The following CDC14B variants were observed in gnomAD, a reference collection of about 807,000 sequenced individuals.
The protein encoded by CDC14B is dual specificity protein phosphatase CDC14B.
Under a neutral mutation model 64.2 loss-of-function variants are expected in CDC14B, and 22 were observed. The observed-to-expected ratio is 0.34, with a 90% confidence interval of 0.24 to 0.49. The LOEUF is 0.49. Ranked by LOEUF, CDC14B falls within the 20% of genes least tolerant of loss-of-function variation. CDC14B has a pLI of 0.99. For synonymous variants in CDC14B, 191 were observed against 215.8 expected, an observed-to-expected ratio of 0.89 and a Z score of 1.01; for missense variants, 498 against 629.9, an observed-to-expected ratio of 0.79 and a Z score of 2.24.
intron 12 of CDC14B, among the ~76,000 whole-genome samples, chr9:96,520,090 G>A (rs921407568): frequency 2.0e-5 from 3 of 152,176 alleles, no homozygotes; most frequent in Non-Finnish European, 4.4e-5. Flanking sequence ...AGCAGAGAGG[G>A]TTTGAAAAAG....
At chr9:96,541,417 C>T (rs1432131574) in intron 6 of CDC14B, among the ~76,000 whole-genome samples, 1 of 152,228 alleles carries the variant, frequency 6.6e-6, no homozygotes, top group African/African-American at 2.4e-5. Context: ...AAGTGTTTGA[C>T]AGTGACTGTG....
At chr9:96,585,835 C>T (rs2118474569) in intron 1 of CDC14B, among the ~76,000 whole-genome samples, 1 of 152,216 alleles carries the variant, frequency 6.6e-6, no homozygotes, top group South Asian at 2.1e-4. Context: ...TTTATAAAAG[C>T]TAAAAACTGA....
intron 1 of CDC14B, among the ~76,000 whole-genome samples, chr9:96,598,691 T>C (rs962657431): frequency 5.3e-5 from 8 of 152,186 alleles, no homozygotes; most frequent in African/African-American, 1.9e-4. Context: ...GGACTGTAAA[T>C]TGGTAAAGCT....
At chr9:96,602,013 C>T (rs1005261570) in intron 1 of CDC14B, among the ~76,000 whole-genome samples, 3 of 151,646 alleles carry the variant, frequency 2.0e-5, no homozygotes, top group South Asian at 2.1e-4. Flanking sequence ...GAGCCAGGAT[C>T]GCGCCACTGC....
chr9:96,521,282 T>C (rs1238924306), intron 12 of CDC14B, among the ~76,000 whole-genome samples: 5 of 152,182 alleles, frequency 3.3e-5, no homozygotes, highest in African/African-American at 7.2e-5. Context: ...TTTCACCATA[T>C]TGGCCAGGCT....
chr9:96,615,384 G>T (rs1264455319), intron 1 of CDC14B, among the ~76,000 whole-genome samples: 2 of 152,038 alleles, frequency 1.3e-5, no homozygotes, highest in Non-Finnish European at 2.9e-5. Context: ...ATGATGACAG[G>T]AACAAAAATA....
intron 5 of CDC14B, among the ~76,000 whole-genome samples, chr9:96,544,728 C>A (rs1350132681): frequency 6.6e-6 from 1 of 152,134 alleles, no homozygotes. Flanking sequence ...AACTCCTGAG[C>A]TCAAGCACTC....
chr9:96,618,589 G>C (rs890939659), intron 1 of CDC14B: 2 of 532,976 alleles, frequency 3.8e-6, no homozygotes, highest in African/African-American at 3.8e-5. Flanking sequence ...CTTCCTTCTC[G>C]AGGCCCCGGC....
At chr9:96,513,400 C>T (rs888697067) in intron 12 of CDC14B, among the ~76,000 whole-genome samples, 3 of 152,182 alleles carry the variant, frequency 2.0e-5, no homozygotes, top group Non-Finnish European at 4.4e-5. Context: ...ACAGGGAACC[C>T]GGGCACTCGC....
At chr9:96,591,161 T>G (rs1194030864) in intron 1 of CDC14B, among the ~76,000 whole-genome samples, 1 of 152,220 alleles carries the variant, frequency 6.6e-6, no homozygotes, top group African/African-American at 2.4e-5. Flanking sequence ...TGGTATCATA[T>G]CCAATAAATT....
intron 1 of CDC14B, among the ~76,000 whole-genome samples, chr9:96,581,553 C>T (rs1588027563): frequency 7.2e-6 from 1 of 139,168 alleles, no homozygotes; most frequent in African/African-American, 3.3e-5. Flanking sequence ...CAGAAAAATG[C>T]CCCTCCCAAA....
intron 1 of CDC14B, among the ~76,000 whole-genome samples, chr9:96,606,943 G>T (rs1300268541): frequency 6.6e-6 from 1 of 151,894 alleles, no homozygotes; most frequent in Non-Finnish European, 1.5e-5. Flanking sequence ...AGCTGAGGTG[G>T]GAGGATCACG....
intron 4 of CDC14B, among the ~76,000 whole-genome samples, chr9:96,558,327 A>G (rs1564333000): frequency 1.3e-5 from 2 of 152,360 alleles, no homozygotes; most frequent in East Asian, 3.9e-4. Flanking sequence ...AAGAAATGAC[A>G]AATGTTTGAG....
At chr9:96,612,876 G>T (rs1046781754) in intron 1 of CDC14B, among the ~76,000 whole-genome samples, 3 of 152,178 alleles carry the variant, frequency 2.0e-5, no homozygotes, top group African/African-American at 7.2e-5. Context: ...AAAATATCCG[G>T]AAAACTGGGG....
downstream of CDC14B, among the ~76,000 whole-genome samples, chr9:96,495,860 T>G (rs1413983577): frequency 1.3e-5 from 2 of 152,166 alleles, no homozygotes; most frequent in Non-Finnish European, 2.9e-5. Context: ...CATCACTGCA[T>G]ATCTCCGGGG....
Position 96,502,411 on chromosome 9 carries a change from G to C in CDC14B, c.*1342C>G, listed in dbSNP as rs1414602853. 1 of 156,040 alleles carries C rather than the reference G, an allele frequency of 6.4e-6. No homozygotes were observed. The highest frequency in any genetic ancestry group is 1.4e-5 in the Non-Finnish European group (1 of 70,798). The allele number at this position is 156,040 out of a possible 1,614,324, so 9.7% of individuals were successfully genotyped here. On this transcript the variant is annotated 3_prime_UTR_variant, in exon 14 of 14. Transcript: ENST00000375241. ...GTGAAAAAGGCAGCTTCTTAAAATGGAGTTGCCTACTAATCTGGCGCACGC... is the reference window on the plus strand; with the variant it reads ...GTGAAAAAGGCAGCTTCTTAAAATGCAGTTGCCTACTAATCTGGCGCACGC...
At chr9:96,512,466 C>T (rs1022459251) in intron 12 of CDC14B, among the ~76,000 whole-genome samples, 1 of 151,588 alleles carries the variant, frequency 6.6e-6, no homozygotes, top group Non-Finnish European at 1.5e-5. Flanking sequence ...ACCACAGGTA[C>T]ATGCCACCAC....
chr9:96,511,554 G>C (rs557896364), intron 12 of CDC14B, among the ~76,000 whole-genome samples: 1 of 152,314 alleles, frequency 6.6e-6, no homozygotes, highest in East Asian at 1.9e-4. Context: ...CTGGGCCAAA[G>C]AGCGAGACTC....
intron 12 of CDC14B, among the ~76,000 whole-genome samples, chr9:96,512,857 A>T (rs1449101153): frequency 6.8e-6 from 1 of 147,486 alleles, no homozygotes. Flanking sequence ...TTTTTTTTTT[A>T]AATACAACAC....
Sources: gnomAD v4.1 joint callset for allele counts (sites outside exome capture counted in the v4.1 genomes callset) on GRCh38, gnomAD v4.1.1 for gene constraint, MANE v1.5 for transcripts, NCBI Gene and HGNC (gene_info 2026-07-23, HGNC 2026-07-21) for gene names.